The following PRKRA variants were observed in gnomAD, a reference collection of about 807,000 sequenced individuals.
PRKRA encodes protein activator of interferon induced protein kinase EIF2AK2.
PRKRA carries 22 observed loss-of-function variants against 32.4 expected under a neutral mutation model. The observed-to-expected ratio is 0.68, with a 90% CI of 0.49 to 0.97. PRKRA has a LOEUF of 0.97. Ranked by LOEUF, PRKRA falls within the 50% of genes least tolerant of loss-of-function variation. PRKRA has a pLI of 0.00. For synonymous variants in PRKRA, 139 were observed against 129.8 expected (o/e 1.07, Z -0.48); for missense variants, 319 against 375.6 (o/e 0.85, Z 1.25).
At chr2:178,434,394 A>C (rs1348345831) in intron 7 of PRKRA, among the ~76,000 whole-genome samples, 4 of 150,298 alleles carry the variant, frequency 2.7e-5, no homozygotes, top group Non-Finnish European at 5.9e-5. Context: ...TACAGGTGTG[A>C]GCCACCGCAC....
chr2:178,438,693 T>G (rs1260216341), intron 6 of PRKRA, among the ~76,000 whole-genome samples: 2 of 151,638 alleles, frequency 1.3e-5, no homozygotes, highest in Non-Finnish European at 2.9e-5. Flanking sequence ...TTTTTTTTTT[T>G]TCGAGTTGGG....
intron 2 of PRKRA, chr2:178,450,025 T>C: frequency 1.5e-6 from 1 of 652,976 alleles, no homozygotes; most frequent in Non-Finnish European, 2.6e-6. Context: ...TGGGTAACTT[T>C]TTAGTTTCTA....
chr2:178,450,681 G>A, intron 1 of PRKRA: 2 of 1,418,030 alleles, frequency 1.4e-6, no homozygotes, highest in Non-Finnish European at 9.2e-7. Context: ...GCTGGCAGCA[G>A]CGCCGCAGCC....
intron 5 of PRKRA, among the ~76,000 whole-genome samples, chr2:178,442,499 T>G (rs1333171545): frequency 6.6e-6 from 1 of 152,210 alleles, no homozygotes; most frequent in Non-Finnish European, 1.5e-5. Flanking sequence ...TCCATGCTTT[T>G]GTTTTATAGA....
chr2:178,436,344 G>T, intron 6 of PRKRA, 25 bp from the exon 7 acceptor site: 1 of 802,430 alleles, frequency 1.2e-6, no homozygotes, highest in East Asian at 5.2e-5. Flanking sequence ...TGAAGATTTA[G>T]ACTCTTGACT....
intron 7 of PRKRA, 66 bp from the exon 8 acceptor site, chr2:178,432,320 AACAAT>A (rs1258439281): frequency 7.7e-7 from 1 of 1,293,810 alleles, no homozygotes; most frequent in Non-Finnish European, 1.0e-6. Context: ...CCTTTGTAAA[AACAAT>A]ACAATTCTTA....
intron 6 of PRKRA, chr2:178,439,810 T>C (rs1232565875): frequency 2.0e-5 from 3 of 152,220 alleles, no homozygotes; most frequent in African/African-American, 7.2e-5. Flanking sequence ...TATATATTAC[T>C]CTTTGACACA....
intron 6 of PRKRA, among the ~76,000 whole-genome samples, chr2:178,438,454 A>G (rs888635899): frequency 5.3e-5 from 8 of 152,120 alleles, no homozygotes; most frequent in African/African-American, 1.4e-4. Flanking sequence ...CTATGGTCCT[A>G]TGTGGATTAG....
At chr2:178,435,533 G>A (rs944876854) in intron 7 of PRKRA, among the ~76,000 whole-genome samples, 2 of 152,082 alleles carry the variant, frequency 1.3e-5, no homozygotes, top group Admixed American at 6.6e-5. Context: ...AGAAAATACA[G>A]ATGATGATGG....
chr2:178,435,836 T>C (rs1432421721), intron 7 of PRKRA, among the ~76,000 whole-genome samples: 2 of 152,242 alleles, frequency 1.3e-5, no homozygotes, highest in African/African-American at 4.8e-5. Flanking sequence ...ATTTGCTTCA[T>C]AGAGTTAGTC....
Position 178,431,971 on chromosome 2 carries a change from T to C in PRKRA, c.*126A>G. ...TATGAGGAGATAATTAAATCTGGAG[T>C]GTTGATGGAATCTATGAAGAGATTT... On this transcript the variant is annotated 3_prime_UTR_variant, in exon 8 of 8. Coordinates refer to ENST00000325748, the MANE Select transcript of PRKRA (RefSeq NM_003690.5). 8.9e-7 allele frequency: 1 copy of C among 1,124,440 alleles called. No homozygotes were observed. The highest frequency in any genetic ancestry group is 1.3e-6 in the Non-Finnish European group (1 of 769,820). 69.7% of individuals were successfully genotyped at this position (1,124,440 alleles called of 1,614,324 possible). A position where few individuals can be genotyped will look rare whatever the true frequency, so the allele number is the denominator to read the frequency against.
At chr2:178,432,946 ACT>A (rs1306957163) in intron 7 of PRKRA, among the ~76,000 whole-genome samples, 1 of 152,198 alleles carries the variant, frequency 6.6e-6, no homozygotes, top group African/African-American at 2.4e-5. Flanking sequence ...CTGATGAGCC[ACT>A]CTTACTAAAG....
intron 3 of PRKRA, among the ~76,000 whole-genome samples, chr2:178,446,408 T>C (rs910158714): frequency 1.5e-4 from 23 of 152,132 alleles, no homozygotes; most frequent in African/African-American, 5.6e-4. Flanking sequence ...ATCTAGAGGG[T>C]TGCCATGTCA....
intron 4 of PRKRA, among the ~76,000 whole-genome samples, 194 bp downstream of exon 4, chr2:178,444,228 C>T (rs562902866): frequency 1.3e-5 from 2 of 152,250 alleles, no homozygotes; most frequent in Admixed American, 6.5e-5. Context: ...AAGGCAAATA[C>T]TGTATATGAA....
chr2:178,431,968 G>T lies in PRKRA; in HGVS notation c.*129C>A. 1 of 1,094,912 alleles carries T rather than the reference G, an allele frequency of 9.1e-7. No homozygotes were observed. The highest frequency in any genetic ancestry group is 1.4e-5 in the South Asian group (1 of 72,212). The allele number at this position is 1,094,912 out of a possible 1,614,324, so 67.8% of individuals were successfully genotyped here. ...AACTATGAGGAGATAATTAAATCTG[G>T]AGTGTTGATGGAATCTATGAAGAGA... On this transcript the variant is annotated 3_prime_UTR_variant, in exon 8 of 8. Coordinates refer to ENST00000325748, the MANE Select transcript of PRKRA (RefSeq NM_003690.5).
chr2:178,436,394 T>G (rs1208194045), intron 6 of PRKRA, 75 bp from the exon 7 acceptor site: 6 of 976,112 alleles, frequency 6.1e-6, no homozygotes, highest in Non-Finnish European at 8.6e-6. Flanking sequence ...TCATTAAAAG[T>G]ACTTATTAAG....
intron 7 of PRKRA, among the ~76,000 whole-genome samples, chr2:178,432,554 TA>T (rs939071807): frequency 2.6e-5 from 4 of 152,098 alleles, no homozygotes; most frequent in African/African-American, 9.7e-5. Flanking sequence ...TTCCTACACT[TA>T]AAAAAATAAC....
chr2:178,435,197 A>G (rs1696836103), intron 7 of PRKRA, among the ~76,000 whole-genome samples: 1 of 151,708 alleles, frequency 6.6e-6, no homozygotes, highest in Non-Finnish European at 1.5e-5. Flanking sequence ...AACCAGGGCA[A>G]CAGATCAAGA....
Position 178,431,939 on chromosome 2 carries a change from T to TAAC in PRKRA, c.*155_*157dup. The TAAC allele has an allele frequency of 1.1e-6, 1 of 885,628 alleles. No homozygotes were observed. 54.9% of individuals were successfully genotyped at this position (885,628 alleles called of 1,614,324 possible). A position where few individuals can be genotyped will look rare whatever the true frequency, so the allele number is the denominator to read the frequency against. On this transcript the variant is annotated 3_prime_UTR_variant, in exon 8 of 8. Coordinates refer to ENST00000325748, the MANE Select transcript of PRKRA (RefSeq NM_003690.5). The stretch of plus-strand genomic sequence containing the variant: ...GTTGAAGCCATTAAAAAGAGCTTAA[T>TAAC]AACAACTATGAGGAGATAATTAAAT...
Sources: allele counts gnomAD v4.1 joint callset (sites outside exome capture counted in the v4.1 genomes callset), GRCh38; gene constraint gnomAD v4.1.1; transcripts MANE v1.5; gene names NCBI Gene and HGNC (gene_info 2026-07-23, HGNC 2026-07-21).